Variants in ZNF804B observed in about 807,000 individuals in gnomAD.
The protein encoded by ZNF804B is zinc finger protein 804B, also known as zinc finger 804B.
A neutral mutation model predicts 101.4 loss-of-function variants in ZNF804B; 80 were observed. The ratio of observed to expected loss-of-function variants is 0.79; its 90% CI spans 0.66 to 0.95. The LOEUF is 0.95. ZNF804B is among the 40% of genes least tolerant of loss of function. The pLI is 0.00. For missense variants in ZNF804B, 1,673 were observed against 1,561.9 expected (o/e 1.07, Z -1.20); for synonymous variants, 622 against 558.8 (o/e 1.11, Z -1.59).
chr7:89,286,495 C>T (rs1477740255), intron 2 of ZNF804B, among the ~76,000 whole-genome samples: 1 of 152,156 alleles, frequency 6.6e-6, no homozygotes, highest in Non-Finnish European at 1.5e-5. Context: ...GGATTTACAA[C>T]AGAGCCAGTC....
chr7:88,982,221 G>A (rs1793702944), intron 1 of ZNF804B, among the ~76,000 whole-genome samples: 1 of 151,948 alleles, frequency 6.6e-6, no homozygotes, highest in African/African-American at 2.4e-5. Flanking sequence ...TCTATTGAAT[G>A]CAGGCTCTGG....
At chr7:89,008,816 A>C (rs1042623706) in intron 1 of ZNF804B, among the ~76,000 whole-genome samples, 1 of 152,090 alleles carries the variant, frequency 6.6e-6, no homozygotes, top group African/African-American at 2.4e-5. Context: ...CTTACACTCT[A>C]TCTGCTCCCA....
chr7:89,112,378 CTT>C (rs1425489330), intron 1 of ZNF804B, among the ~76,000 whole-genome samples: 3 of 152,128 alleles, frequency 2.0e-5, no homozygotes, highest in African/African-American at 7.2e-5. Flanking sequence ...AAAAGGCTGT[CTT>C]TTCCCCACTG....
chr7:89,330,632 G>A (rs546336754), intron 3 of ZNF804B, among the ~76,000 whole-genome samples: 2 of 151,140 alleles, frequency 1.3e-5, no homozygotes, highest in South Asian at 2.1e-4. Context: ...TTAAGAAAAA[G>A]CAAATTAAAA....
chr7:89,016,279 T>C (rs1368931233), intron 1 of ZNF804B, among the ~76,000 whole-genome samples: 10 of 152,040 alleles, frequency 6.6e-5, no homozygotes, highest in East Asian at 1.9e-4. Flanking sequence ...TTCTCCCATT[T>C]TGTAGGTTGC....
At chr7:88,930,351 T>A (rs1287976098) in intron 1 of ZNF804B, among the ~76,000 whole-genome samples, 1 of 151,980 alleles carries the variant, frequency 6.6e-6, no homozygotes. Context: ...GAAAAGTGTT[T>A]CTGTGGCATC....
chr7:89,055,883 G>A (rs1789284815), intron 1 of ZNF804B, among the ~76,000 whole-genome samples: 1 of 152,102 alleles, frequency 6.6e-6, no homozygotes, highest in African/African-American at 2.4e-5. Flanking sequence ...TAGAAGAATA[G>A]ATGAAAGCTC....
intron 1 of ZNF804B, among the ~76,000 whole-genome samples, chr7:89,153,060 A>G (rs1344873734): frequency 6.6e-6 from 1 of 151,984 alleles, no homozygotes; most frequent in Non-Finnish European, 1.5e-5. Context: ...AGCAAATACT[A>G]TATTTTATTT....
At chr7:88,973,796 A>G (rs1793571637) in intron 1 of ZNF804B, among the ~76,000 whole-genome samples, 1 of 151,440 alleles carries the variant, frequency 6.6e-6, no homozygotes, top group African/African-American at 2.4e-5. Flanking sequence ...AGAGGAAAAG[A>G]AACAGGAATA....
At chr7:88,811,537 A>C (rs1185367825) in intron 1 of ZNF804B, among the ~76,000 whole-genome samples, 1 of 152,232 alleles carries the variant, frequency 6.6e-6, no homozygotes, top group Non-Finnish European at 1.5e-5. Flanking sequence ...TGTTTACTGC[A>C]GCACTATTTA....
Position 88,945,929 on chromosome 7 carries a change from A to C in ZNF804B, c.108+185845A>C, listed in dbSNP as rs996214853. On this transcript the variant is annotated intron_variant, in intron 1 of 3. Transcript: ENST00000333190. ...GTATAGGAATGCTTGTGATTTTTGCACATTGATTTTGTATCCTGAGACTTT... is the reference window on the plus strand; with the variant it reads ...GTATAGGAATGCTTGTGATTTTTGCCCATTGATTTTGTATCCTGAGACTTT... Among the ~76,000 whole-genome samples the C allele has an allele frequency of 7.2e-5, 11 of 152,190 alleles. No homozygotes were observed. The East Asian group carries it at 7.7e-4, about 11-fold the overall frequency.
At chr7:89,199,051 A>AT (rs1184738338) in intron 1 of ZNF804B, among the ~76,000 whole-genome samples, 3 of 151,580 alleles carry the variant, frequency 2.0e-5, no homozygotes, top group Non-Finnish European at 4.4e-5. Context: ...CTTGCACAGG[A>AT]TTTTTTCTTC....
At chr7:89,306,957 A>T (rs988121910) in intron 2 of ZNF804B, among the ~76,000 whole-genome samples, 2 of 151,990 alleles carry the variant, frequency 1.3e-5, no homozygotes, top group Non-Finnish European at 2.9e-5. Flanking sequence ...ATGATGATAC[A>T]TATAGAAATG....
chr7:88,898,313 C>T (rs1355819379), intron 1 of ZNF804B, among the ~76,000 whole-genome samples: 1 of 151,920 alleles, frequency 6.6e-6, no homozygotes, highest in African/African-American at 2.4e-5. Flanking sequence ...GTCTCGATCT[C>T]CTGACCTTGT....
chr7:89,070,957 A>C (rs572309066), intron 1 of ZNF804B, among the ~76,000 whole-genome samples: 1 of 152,116 alleles, frequency 6.6e-6, no homozygotes, highest in Non-Finnish European at 1.5e-5. Context: ...GATTGATTCC[A>C]GGACCCCTGT....
At chr7:89,207,283 A>G (rs976750432) in intron 1 of ZNF804B, among the ~76,000 whole-genome samples, 1 of 152,236 alleles carries the variant, frequency 6.6e-6, no homozygotes, top group Admixed American at 6.5e-5. Flanking sequence ...AAAGCAGTTT[A>G]ATTGACTCAC....
intron 2 of ZNF804B, among the ~76,000 whole-genome samples, chr7:89,219,982 TATGTGTGC>T (rs1355147820): frequency 2.1e-5 from 3 of 145,062 alleles, no homozygotes; most frequent in African/African-American, 2.6e-5. Context: ...TGTATATACA[TATGTGTGC>T]ATATATGTAT....
intron 1 of ZNF804B, among the ~76,000 whole-genome samples, chr7:89,084,980 G>T (rs1002204205): frequency 6.6e-6 from 1 of 151,788 alleles, no homozygotes; most frequent in Non-Finnish European, 1.5e-5. Context: ...GAAAGAAAAA[G>T]ACAAATATGG....
chr7:88,825,091 A>G (rs1791033860), intron 1 of ZNF804B, among the ~76,000 whole-genome samples: 1 of 152,152 alleles, frequency 6.6e-6, no homozygotes. Flanking sequence ...ATTCAAAGGC[A>G]GCACCATTTC....
Sources: gnomAD v4.1 joint callset for allele counts (sites outside exome capture counted in the v4.1 genomes callset) on GRCh38, gnomAD v4.1.1 for gene constraint, MANE v1.5 for transcripts, NCBI Gene and HGNC (gene_info 2026-07-23, HGNC 2026-07-21) for gene names.